TRPC4AP: variants seen among roughly 807,000 people sequenced by gnomAD.
TRPC4AP encodes short transient receptor potential channel 4-associated protein.
A neutral mutation model predicts 99.0 loss-of-function variants in TRPC4AP; 45 were observed. The observed-to-expected ratio is 0.45, with a 90% CI of 0.36 to 0.58. The LOEUF (loss-of-function observed/expected upper bound fraction) is 0.58, where lower values mean the gene tolerates loss of function less well. Among genes scored for constraint, TRPC4AP ranks in the 20% least tolerant of loss-of-function variants. The pLI, the probability that TRPC4AP is intolerant of heterozygous loss-of-function variation, is 0.00. For synonymous variants in TRPC4AP, 408 were observed against 385.8 expected (o/e 1.06, Z -0.67); for missense variants, 879 against 985.3 (o/e 0.89, Z 1.44).
In TRPC4AP at chr20:35,002,837, G is replaced by A. The variant is rs550121954; in HGVS notation, c.*309C>T. 7 of 267,198 alleles carry A rather than the reference G, an allele frequency of 2.6e-5. No individual in the cohort carries two copies. Among genetic ancestry groups the A allele is most frequent in the East Asian group, 8.6e-5 (1 of 11,624 alleles). The allele number at this position is 267,198 out of a possible 1,614,324, so 16.6% of individuals were successfully genotyped here. On this transcript the variant is annotated 3_prime_UTR_variant, in exon 19 of 19. Transcript: ENST00000252015. ...GGGACTGACTGACAGCCAAGAAACC[G>A]GCAGGAGCTCACACAGAGCTAATGC...
intron 7 of TRPC4AP, among the ~76,000 whole-genome samples, chr20:35,039,709 T>C (rs575888378): frequency 5.3e-5 from 8 of 152,292 alleles, no homozygotes; most frequent in South Asian, 2.1e-4. Flanking sequence ...ATCTAGCCTA[T>C]AGCTTCATTT....
At chr20:35,042,144 T>TC (rs1569113192) in intron 7 of TRPC4AP, among the ~76,000 whole-genome samples, 1 of 152,110 alleles carries the variant, frequency 6.6e-6, no homozygotes, top group Non-Finnish European at 1.5e-5. Flanking sequence ...AAATGAGAAC[T>TC]CCCCCAAAAT....
chr20:35,048,102 C>G (rs965412082), intron 6 of TRPC4AP, among the ~76,000 whole-genome samples: 1 of 151,832 alleles, frequency 6.6e-6, no homozygotes, highest in African/African-American at 2.4e-5. Flanking sequence ...AACATCTTCT[C>G]TTTTATGTTT....
At chr20:35,040,019 C>T (rs1005054403) in intron 7 of TRPC4AP, among the ~76,000 whole-genome samples, 8 of 151,690 alleles carry the variant, frequency 5.3e-5, no homozygotes, top group South Asian at 2.1e-4. Context: ...AAAAACGAAA[C>T]GAAAACTTTT....
chr20:35,062,294 C>T (rs899272416), intron 3 of TRPC4AP, among the ~76,000 whole-genome samples: 2 of 152,050 alleles, frequency 1.3e-5, no homozygotes, highest in African/African-American at 4.8e-5. Flanking sequence ...AGGTATATAC[C>T]AAGGGAAATT....
chr20:35,063,061 G>C (rs1213807888), intron 3 of TRPC4AP, among the ~76,000 whole-genome samples: 1 of 152,228 alleles, frequency 6.6e-6, no homozygotes, highest in Non-Finnish European at 1.5e-5. Context: ...CCAGGTGGAG[G>C]TGACTGGATC....
chr20:35,089,670 G>A (rs2084988391), intron 1 of TRPC4AP, among the ~76,000 whole-genome samples: 1 of 152,050 alleles, frequency 6.6e-6, no homozygotes, highest in African/African-American at 2.4e-5. Context: ...CCGACATGGT[G>A]AAACCCCATC....
At chr20:35,017,108 C>T (rs559158604) in intron 9 of TRPC4AP, among the ~76,000 whole-genome samples, 2 of 152,310 alleles carry the variant, frequency 1.3e-5, no homozygotes, top group Admixed American at 6.5e-5. Flanking sequence ...ACACTACTCA[C>T]TATAGCATTA....
chr20:35,087,812 G>C (rs1457990941), intron 1 of TRPC4AP, among the ~76,000 whole-genome samples: 1 of 152,164 alleles, frequency 6.6e-6, no homozygotes, highest in African/African-American at 2.4e-5. Context: ...AAAACGAAGG[G>C]AAGAAAATAA....
chr20:35,067,258 G>A (rs976324958), intron 3 of TRPC4AP, among the ~76,000 whole-genome samples: 1 of 152,212 alleles, frequency 6.6e-6, no homozygotes, highest in African/African-American at 2.4e-5. Context: ...GCCAAGGCTG[G>A]GGGACTGTTT....
At position 35,016,015 on chromosome 20, in the gene TRPC4AP, C is replaced by T. The variant is rs771725072; in HGVS notation, c.1343G>A (p.Cys448Tyr). 1.9e-6 allele frequency: 3 copies of T among 1,614,190 alleles called. No homozygotes were observed. ...CGGGGGTCTCCTGCTTACCGGGCTA[C>T]AGTCACAGTTCTGGTTGTGACCATG... ...VLHGHNQNCD[C>Y]SPDITLKIQF... Residue 448 changes from cysteine to tyrosine, a missense_variant, in exon 10 of 19, where the codon TGT becomes TAT. Transcript: ENST00000252015.
Position 35,078,038 on chromosome 20 carries a change from A to G in TRPC4AP, c.297+8T>C, listed in dbSNP as rs1352181401. On this transcript the variant is annotated splice_region_variant and intron_variant, in intron 2 of 18. Transcript: ENST00000252015. ...TGAATACGCCCCTCCAAGGTCCTTA[A>G]GAGTTACCTTGAGGATGTTTTGACA... is the stretch of plus-strand genomic sequence containing the variant. 5.0e-6 allele frequency: 8 copies of G among 1,610,854 alleles called. No homozygotes were observed. The highest frequency in any genetic ancestry group is 5.1e-6 in the Non-Finnish European group (6 of 1,177,818).
chr20:35,029,442 T>C (rs576417131), intron 8 of TRPC4AP, among the ~76,000 whole-genome samples: 2 of 152,246 alleles, frequency 1.3e-5, no homozygotes, highest in South Asian at 4.2e-4. Flanking sequence ...GTTAAATCTA[T>C]TCACATTTAA....
At chr20:35,073,484 T>A (rs937766038) in intron 2 of TRPC4AP, among the ~76,000 whole-genome samples, 7 of 152,232 alleles carry the variant, frequency 4.6e-5, no homozygotes, top group Non-Finnish European at 8.8e-5. Context: ...GTTTTCAGCA[T>A]GAAGGGCTGT....
chr20:35,035,262 C>T lies in TRPC4AP; in HGVS notation c.912G>A (p.Leu304=). The part of the protein sequence containing the change: ...IPGFVERLCK[L]ATRKVSESTG... ...TTGACTCTGACACCTTTCGAGTCGC[C>T]AGTTTGCAAAGCCGCTCAACAAAGC... Residue 304 remains leucine, a synonymous_variant, in exon 8 of 19, where the codon CTG becomes CTA. Coordinates refer to ENST00000252015, the MANE Select transcript of TRPC4AP (RefSeq NM_015638.3). The T allele has an allele frequency of 6.2e-7, 1 of 1,614,114 alleles. No individual in the cohort carries two copies. The highest frequency in any genetic ancestry group is 8.5e-7 in the Non-Finnish European group (1 of 1,180,024).
At chr20:35,045,913 C>G (rs1034942532) in intron 6 of TRPC4AP, among the ~76,000 whole-genome samples, 6 of 152,238 alleles carry the variant, frequency 3.9e-5, no homozygotes, top group African/African-American at 1.4e-4. Context: ...AAGCAATCCT[C>G]CCACCTTGGC....
chr20:35,044,353 C>A (rs1465412054), intron 7 of TRPC4AP, 152 bp downstream of exon 7: 5 of 777,378 alleles, frequency 6.4e-6, no homozygotes, highest in Non-Finnish European at 9.7e-6. Flanking sequence ...GATTGTGCCA[C>A]TGCACTCCTG....
intron 1 of TRPC4AP, among the ~76,000 whole-genome samples, chr20:35,091,823 T>C (rs1029641787): frequency 6.6e-6 from 1 of 152,114 alleles, no homozygotes; most frequent in African/African-American, 2.4e-5. Flanking sequence ...AATTGCCCCC[T>C]TTGATCTCCA....
At position 35,035,277 on chromosome 20, in the gene TRPC4AP, C is replaced by G; in HGVS notation, c.897G>C (p.Glu299Asp). Residue 299 changes from glutamate (E) to aspartate (D), a missense_variant, in exon 8 of 19, where the codon GAG becomes GAC. Glu to Asp is a conservative substitution (Grantham distance 45, BLOSUM62 2). This residue lies in a region of TRPC4AP where 603 missense variants were observed against 631.8 expected (regional missense o/e 0.95). Transcript: ENST00000252015. Reference protein sequence around the residue: ...AALLSIPGFVERLCKLATRKV... With the variant: ...AALLSIPGFVDRLCKLATRKV... ...TTCGAGTCGCCAGTTTGCAAAGCCG[C>G]TCAACAAAGCCAGGAATGCTGAGAA... is the stretch of plus-strand genomic sequence containing the variant. The G allele has an allele frequency of 1.2e-6, 2 of 1,614,038 alleles. No individual in the cohort carries two copies. The highest frequency in any genetic ancestry group is 1.1e-5 in the South Asian group (1 of 91,058).
Sources: allele counts gnomAD v4.1 joint callset (sites outside exome capture counted in the v4.1 genomes callset), GRCh38; gene constraint gnomAD v4.1.1; regional missense constraint gnomAD v4.1.1; transcripts MANE v1.5; gene names NCBI Gene and HGNC (gene_info 2026-07-23, HGNC 2026-07-21).